The following ROR2 variants were observed in gnomAD, a reference collection of about 807,000 sequenced individuals.
ROR2 encodes the protein ROR family WNT receptor 2.
In ROR2, 33 loss-of-function variants were observed where a neutral mutation model predicts 74.9. The observed-to-expected ratio is 0.44, with a 90% CI of 0.33 to 0.59. ROR2 has a LOEUF of 0.59. ROR2 is among the 20% of genes least tolerant of loss of function. ROR2 has a pLI of 0.02. For synonymous variants in ROR2, 586 were observed against 558.7 expected (o/e 1.05, Z -0.69); for missense variants, 1,216 against 1,313.8 (o/e 0.93, Z 1.15).
chr9:91,934,849 T>C (rs142752393), intron 1 of ROR2, among the ~76,000 whole-genome samples: 33 of 152,332 alleles, frequency 2.2e-4, no homozygotes, highest in African/African-American at 7.9e-4. Context: ...GAGCTCTGCC[T>C]TGCAAAACAA....
intron 4 of ROR2, among the ~76,000 whole-genome samples, chr9:91,755,018 G>A (rs1825700477): frequency 6.6e-6 from 1 of 152,160 alleles, no homozygotes; most frequent in Non-Finnish European, 1.5e-5. Flanking sequence ...CCGGGTGTGT[G>A]GTGGCACGCA....
At chr9:91,884,074 G>A (rs1830203548) in intron 1 of ROR2, among the ~76,000 whole-genome samples, 1 of 152,214 alleles carries the variant, frequency 6.6e-6, no homozygotes, top group Non-Finnish European at 1.5e-5. Context: ...GGAGCTGAAG[G>A]AGTCACCAAA....
intron 2 of ROR2, among the ~76,000 whole-genome samples, chr9:91,765,115 A>G (rs2118886121): frequency 6.6e-6 from 1 of 152,314 alleles, no homozygotes; most frequent in Admixed American, 6.5e-5. Flanking sequence ...TCAGTATTTC[A>G]TAAAATATTA....
At chr9:91,759,627 G>A (rs1264018837) in intron 2 of ROR2, among the ~76,000 whole-genome samples, 2 of 152,160 alleles carry the variant, frequency 1.3e-5, no homozygotes, top group African/African-American at 2.4e-5. Flanking sequence ...CTGCTGTGAC[G>A]ATGTGAAGTG....
At chr9:91,914,396 G>A (rs1453706007) in intron 1 of ROR2, among the ~76,000 whole-genome samples, 1 of 152,152 alleles carries the variant, frequency 6.6e-6, no homozygotes, top group African/African-American at 2.4e-5. Context: ...TAGCAGTGAG[G>A]ATATTTTGGG....
intron 1 of ROR2, among the ~76,000 whole-genome samples, chr9:91,895,098 A>T (rs1255509465): frequency 6.6e-6 from 1 of 152,234 alleles, no homozygotes; most frequent in African/African-American, 2.4e-5. Context: ...AAAAGAAATG[A>T]GCTATCAAAC....
At chr9:91,725,501 C>A (rs1255349457) in intron 8 of ROR2, among the ~76,000 whole-genome samples, 4 of 152,176 alleles carry the variant, frequency 2.6e-5, no homozygotes, top group African/African-American at 9.6e-5. Context: ...TCCCTCCAAC[C>A]CCCATGTGTG....
At chr9:91,834,493 G>A (rs1010951755) in intron 1 of ROR2, among the ~76,000 whole-genome samples, 3 of 152,308 alleles carry the variant, frequency 2.0e-5, no homozygotes, top group South Asian at 4.1e-4. Flanking sequence ...CATGGCAGAA[G>A]ACATATTCTC....
chr9:91,879,015 C>T (rs1414269770), intron 1 of ROR2, among the ~76,000 whole-genome samples: 1 of 151,800 alleles, frequency 6.6e-6, no homozygotes, highest in African/African-American at 2.4e-5. Context: ...GCACTCCAGC[C>T]TGGGCGACAG....
intron 1 of ROR2, among the ~76,000 whole-genome samples, chr9:91,901,004 G>C (rs1024386473): frequency 2.0e-5 from 3 of 152,110 alleles, no homozygotes; most frequent in Non-Finnish European, 2.9e-5. Context: ...TGTGTACTAC[G>C]AGGAAGCTGC....
chr9:91,814,650 G>T (rs1199906026), intron 1 of ROR2, among the ~76,000 whole-genome samples: 1 of 152,112 alleles, frequency 6.6e-6, no homozygotes, highest in East Asian at 1.9e-4. Flanking sequence ...ACGTTTACAG[G>T]CTCCCTCATT....
chr9:91,852,570 G>A (rs1829129803), intron 1 of ROR2, among the ~76,000 whole-genome samples: 1 of 151,158 alleles, frequency 6.6e-6, no homozygotes, highest in Non-Finnish European at 1.5e-5. Flanking sequence ...GGGAACTTGA[G>A]CCCATCTGGA....
At chr9:91,816,437 CT>C (rs1225830259) in intron 1 of ROR2, among the ~76,000 whole-genome samples, 2 of 152,222 alleles carry the variant, frequency 1.3e-5, no homozygotes, top group African/African-American at 2.4e-5. Flanking sequence ...CCCCTTTCCC[CT>C]CTGGCTGGTC....
chr9:91,860,585 C>T (rs113346469), intron 1 of ROR2, among the ~76,000 whole-genome samples: 7 of 152,234 alleles, frequency 4.6e-5, no homozygotes, highest in African/African-American at 1.2e-4. Context: ...CCGGGGATGC[C>T]GGGGCACAGC....
chr9:91,837,791 T>C (rs1304831986), intron 1 of ROR2, among the ~76,000 whole-genome samples: 1 of 152,170 alleles, frequency 6.6e-6, no homozygotes, highest in South Asian at 2.1e-4. Flanking sequence ...TAGAAAAAAA[T>C]ATATAGTTTT....
intron 1 of ROR2, among the ~76,000 whole-genome samples, chr9:91,822,740 C>G (rs562299674): frequency 3.9e-5 from 6 of 152,164 alleles, no homozygotes; most frequent in Non-Finnish European, 8.8e-5. Context: ...TACAACATGG[C>G]TTTTCAGAGG....
intron 8 of ROR2, among the ~76,000 whole-genome samples, chr9:91,725,514 G>A (rs765644597): frequency 2.6e-4 from 40 of 152,244 alleles, no homozygotes; most frequent in African/African-American, 7.0e-4. Flanking sequence ...CATGTGTGCC[G>A]ACACATCACG....
At chr9:91,776,401 G>A (rs1826421722) in intron 1 of ROR2, among the ~76,000 whole-genome samples, 1 of 152,118 alleles carries the variant, frequency 6.6e-6, no homozygotes, top group African/African-American at 2.4e-5. Flanking sequence ...CAAAAGCCAA[G>A]CCCTGAGCCA....
chr9:91,948,315 G>A (rs758265245), intron 1 of ROR2, among the ~76,000 whole-genome samples: 1 of 152,214 alleles, frequency 6.6e-6, no homozygotes, highest in African/African-American at 2.4e-5. Context: ...GTCCAGCAAC[G>A]TGTTTAAGCC....
Sources: allele counts gnomAD v4.1 joint callset (sites outside exome capture counted in the v4.1 genomes callset), GRCh38; gene constraint gnomAD v4.1.1; transcripts MANE v1.5; gene names NCBI Gene and HGNC (gene_info 2026-07-23, HGNC 2026-07-21).